Variants in CMIP observed in about 807,000 individuals in gnomAD.
CMIP encodes the protein C-Maf-inducing protein.
CMIP carries 13 observed loss-of-function variants against 97.3 expected under a neutral mutation model. The ratio of observed to expected loss-of-function variants is 0.13; its 90% CI spans 0.09 to 0.21. CMIP has a LOEUF of 0.21. Among genes scored for constraint, CMIP ranks in the 10% least tolerant of loss-of-function variants. CMIP has a pLI of 1.00. For synonymous variants in CMIP, 538 were observed against 436.3 expected (o/e 1.23, Z -2.91); for missense variants, 847 against 1,024.9 (o/e 0.83, Z 2.37).
chr16:81,557,288 C>T (rs1343387674), intron 1 of CMIP, among the ~76,000 whole-genome samples: 2 of 151,730 alleles, frequency 1.3e-5, no homozygotes, highest in Non-Finnish European at 2.9e-5. Context: ...TGGTTGAATT[C>T]ACTCGTGTTG....
At chr16:81,499,721 T>A (rs1163978465) in intron 1 of CMIP, among the ~76,000 whole-genome samples, 1 of 152,222 alleles carries the variant, frequency 6.6e-6, no homozygotes, top group East Asian at 1.9e-4. Context: ...TGGAGGAGAC[T>A]CAGCTTCCCC....
intron 1 of CMIP, among the ~76,000 whole-genome samples, chr16:81,604,387 A>T (rs1303432075): frequency 8.4e-6 from 1 of 119,730 alleles, no homozygotes; most frequent in African/African-American, 3.6e-5. Context: ...CAAGAGCAAA[A>T]CTCTGTCTCA....
At chr16:81,498,496 G>C (rs866822427) in intron 1 of CMIP, among the ~76,000 whole-genome samples, 3 of 152,210 alleles carry the variant, frequency 2.0e-5, no homozygotes, top group Admixed American at 1.3e-4. Flanking sequence ...CAGTGGTCCT[G>C]CTTTCTCACG....
At chr16:81,704,781 C>T (rs1253520010) in intron 18 of CMIP, among the ~76,000 whole-genome samples, 2 of 144,442 alleles carry the variant, frequency 1.4e-5, no homozygotes, top group Non-Finnish European at 3.0e-5. Context: ...GCTTACCACA[C>T]GACCCTTCCC....
intron 2 of CMIP, chr16:81,620,572 A>G: frequency 3.2e-6 from 1 of 313,352 alleles, no homozygotes; most frequent in Non-Finnish European, 6.1e-6. Flanking sequence ...CCATGCCCCT[A>G]AGTCCAGCTG....
At chr16:81,446,966 A>G (rs982177661) in intron 1 of CMIP, among the ~76,000 whole-genome samples, 4 of 150,822 alleles carry the variant, frequency 2.7e-5, no homozygotes, top group Non-Finnish European at 5.9e-5. Context: ...ATATCTGCAA[A>G]GACTCCTTTT....
chr16:81,451,893 T>C (rs757537673), intron 1 of CMIP, among the ~76,000 whole-genome samples: 4 of 152,232 alleles, frequency 2.6e-5, no homozygotes, highest in Non-Finnish European at 5.9e-5. Flanking sequence ...TCCTTGCTCC[T>C]GGCTCTGGTG....
intron 1 of CMIP, among the ~76,000 whole-genome samples, chr16:81,531,418 T>C (rs1040385056): frequency 5.3e-5 from 8 of 152,226 alleles, no homozygotes; most frequent in African/African-American, 1.9e-4. Context: ...ATTGCTGATA[T>C]GCAGGCCACC....
At chr16:81,545,965 A>G (rs777631405) in intron 1 of CMIP, among the ~76,000 whole-genome samples, 36 of 152,186 alleles carry the variant, frequency 2.4e-4, no homozygotes, top group Non-Finnish European at 2.9e-4. Flanking sequence ...GGGAGAATCC[A>G]CCGTGACCTA....
chr16:81,457,798 ATG>A (rs1295187069), intron 1 of CMIP, among the ~76,000 whole-genome samples: 3 of 152,172 alleles, frequency 2.0e-5, no homozygotes, highest in Non-Finnish European at 4.4e-5. Context: ...CTGAAAAACA[ATG>A]TGGGGGCCTT....
intron 1 of CMIP, among the ~76,000 whole-genome samples, chr16:81,560,977 T>A (rs867976699): frequency 6.6e-6 from 1 of 152,150 alleles, no homozygotes; most frequent in Admixed American, 6.5e-5. Flanking sequence ...TTTTTCTTTT[T>A]GGAGACAGTC....
chr16:81,637,503 A>G (rs986784840), intron 3 of CMIP, among the ~76,000 whole-genome samples: 5 of 152,222 alleles, frequency 3.3e-5, no homozygotes, highest in African/African-American at 1.2e-4. Flanking sequence ...AAATGCTACT[A>G]TTATCCCCAT....
At chr16:81,590,826 TCCATCCATC>T (rs1201932482) in intron 1 of CMIP, among the ~76,000 whole-genome samples, 1 of 68,184 alleles carries the variant, frequency 1.5e-5, no homozygotes, top group African/African-American at 1.8e-4. Context: ...CTTTCTCTCA[TCCATCCATC>T]CATCCATCCA....
chr16:81,671,952 C>A lies in CMIP; in HGVS notation c.930-14C>A. Reference sequence around the variant, plus strand: ...CCTGCAGGCTTCTCACCCCAGCCCTCTGCTTTTTTCCAGCATGCACGGCCC... The same window carrying A: ...CCTGCAGGCTTCTCACCCCAGCCCTATGCTTTTTTCCAGCATGCACGGCCC... On this transcript the variant is annotated splice_polypyrimidine_tract_variant and intron_variant, in intron 8 of 20. Transcript: ENST00000537098. 6.6e-7 allele frequency: 1 copy of A among 1,507,918 alleles called. No homozygotes were observed. Among genetic ancestry groups the A allele is most frequent in the South Asian group, 1.2e-5 (1 of 84,344 alleles). The allele number at this position is 1,507,918 out of a possible 1,614,324, so 93.4% of individuals were successfully genotyped here.
intron 1 of CMIP, among the ~76,000 whole-genome samples, chr16:81,484,619 C>T (rs1407806344): frequency 2.0e-5 from 3 of 152,172 alleles, no homozygotes; most frequent in African/African-American, 7.2e-5. Context: ...TCATCTCCGG[C>T]TCTCTGCTGC....
At chr16:81,645,487 C>G (rs188026986) in intron 3 of CMIP, 2 of 1,534,146 alleles carry the variant, frequency 1.3e-6, no homozygotes, top group South Asian at 2.4e-5. Flanking sequence ...TTCCTGCTGA[C>G]GACTTGTCTC....
intron 3 of CMIP, among the ~76,000 whole-genome samples, chr16:81,639,467 CT>C (rs2092277930): frequency 6.6e-6 from 1 of 152,198 alleles, no homozygotes; most frequent in Non-Finnish European, 1.5e-5. Context: ...AAGAATTTGT[CT>C]ACTCTAGGGA....
chr16:81,589,256 C>G (rs916221083), intron 1 of CMIP, among the ~76,000 whole-genome samples: 1 of 151,984 alleles, frequency 6.6e-6, no homozygotes, highest in Non-Finnish European at 1.5e-5. Context: ...ACCACCACAC[C>G]CGGGTAATTT....
intron 1 of CMIP, among the ~76,000 whole-genome samples, chr16:81,517,012 C>T (rs988474873): frequency 2.0e-5 from 3 of 148,694 alleles, no homozygotes; most frequent in Admixed American, 6.7e-5. Context: ...GAAACCCAGA[C>T]GGCCTCCAAG....
Sources: gnomAD v4.1 joint callset for allele counts (sites outside exome capture counted in the v4.1 genomes callset) on GRCh38, gnomAD v4.1.1 for gene constraint, MANE v1.5 for transcripts, NCBI Gene and HGNC (gene_info 2026-07-23, HGNC 2026-07-21) for gene names.